FBN2: variants seen among roughly 807,000 people sequenced by gnomAD.
FBN2 encodes the protein fibrillin-2.
Under a neutral mutation model 355.6 loss-of-function variants are expected in FBN2, and 105 were observed. The ratio of observed to expected loss-of-function variants is 0.30; its 90% CI spans 0.25 to 0.35. The LOEUF (loss-of-function observed/expected upper bound fraction) is 0.35. Ranked by LOEUF, FBN2 falls within the 10% of genes least tolerant of loss-of-function variation. FBN2 has a pLI of 1.00. For synonymous variants in FBN2, 1,350 were observed against 1,301.2 expected (o/e 1.04, Z -0.81); for missense variants, 3,280 against 3,758.7 (o/e 0.87, Z 3.33).
chr5:128,312,504 A>G lies in FBN2; in HGVS notation c.4879+130T>C, dbSNP rs151274645. 375 of 909,844 alleles carry G rather than the reference A, an allele frequency of 4.1e-4. 4 individuals carry two copies. The African/African-American group carries it at 4.8e-3, about 12-fold the overall frequency. The allele number at this position is 909,844 out of a possible 1,614,324, so 56.4% of individuals were successfully genotyped here. On this transcript the variant is annotated intron_variant, in intron 37 of 64. Transcript: ENST00000262464. The stretch of plus-strand genomic sequence containing the variant: ...TTGGCTGGTTTCAGAGTGATCACTG[A>G]AAGTAGTTCAAATTCAGTTTTTTTG...
At chr5:128,493,841 T>C (rs770568359) in intron 5 of FBN2, among the ~76,000 whole-genome samples, 3 of 152,092 alleles carry the variant, frequency 2.0e-5, no homozygotes, top group Non-Finnish European at 4.4e-5. Flanking sequence ...TGGTGACAGA[T>C]CTGTTATGGT....
chr5:128,428,503 A>G (rs1753538308), intron 7 of FBN2, among the ~76,000 whole-genome samples: 1 of 152,042 alleles, frequency 6.6e-6, no homozygotes, highest in Non-Finnish European at 1.5e-5. Flanking sequence ...GGGGCACTGC[A>G]CTTGCTGGCC....
intron 7 of FBN2, among the ~76,000 whole-genome samples, chr5:128,410,184 G>C (rs1302712168): frequency 6.6e-6 from 1 of 152,186 alleles, no homozygotes; most frequent in African/African-American, 2.4e-5. Context: ...GACTACATGA[G>C]GAGTAAATAC....
At chr5:128,347,154 T>C (rs567136621) in intron 23 of FBN2, among the ~76,000 whole-genome samples, 1 of 152,320 alleles carries the variant, frequency 6.6e-6, no homozygotes, top group African/African-American at 2.4e-5. Context: ...GTGAGGTTAC[T>C]GAAGAAACCT....
chr5:128,437,908 T>C (rs1174157637), intron 7 of FBN2, among the ~76,000 whole-genome samples: 2 of 152,214 alleles, frequency 1.3e-5, no homozygotes, highest in Admixed American at 1.3e-4. Flanking sequence ...GATCTGTTTT[T>C]CTGTTTTGAA....
chr5:128,356,186 G>T (rs1035788833), intron 20 of FBN2, among the ~76,000 whole-genome samples: 2 of 152,042 alleles, frequency 1.3e-5, no homozygotes, highest in Non-Finnish European at 2.9e-5. Context: ...AATGCCCCAG[G>T]CAGATGGCAG....
chr5:128,305,600 T>G lies in FBN2; in HGVS notation c.5585A>C (p.Gln1862Pro). Residue 1862 changes from glutamine to proline, a missense_variant, in exon 44 of 65, where the codon CAG (glutamine) becomes CCG (proline). By Grantham distance (76) the Gln-to-Pro change is moderately conservative (BLOSUM62 -1). This residue lies in a region of FBN2 where 2,284 missense variants were observed against 2,749.5 expected (regional missense o/e 0.83). Transcript: ENST00000262464. The part of the protein sequence containing the change: ...DECSNGDNLC[Q>P]RNADCINSPG... Reference sequence around the variant, plus strand: ...ACTATTGATGCAGTCTGCATTCCGCTGGCAGAGATTATCACCATTGCTGCA... The same window carrying G: ...ACTATTGATGCAGTCTGCATTCCGCGGGCAGAGATTATCACCATTGCTGCA... 1 of 1,614,024 alleles carries G rather than the reference T, an allele frequency of 6.2e-7. No individual in the cohort carries two copies. Among genetic ancestry groups the G allele is most frequent in the Non-Finnish European group, 8.5e-7 (1 of 1,179,926 alleles).
At chr5:128,536,342 G>T in intron 2 of FBN2, 60 bp downstream of exon 2, 1 of 1,336,622 alleles carries the variant, frequency 7.5e-7, no homozygotes, top group Non-Finnish European at 1.1e-6. Context: ...AGTGCAAGAG[G>T]TCGGCCGGAG....
At chr5:128,374,522 A>G (rs1341924457) in intron 15 of FBN2, 106 bp downstream of exon 15, 1 of 1,453,558 alleles carries the variant, frequency 6.9e-7, no homozygotes, top group African/African-American at 1.4e-5. Flanking sequence ...ATGTTTTAGC[A>G]TGTACTCTTC....
At position 128,384,932 on chromosome 5, in the gene FBN2, T is replaced by C. The variant is rs1408737440; in HGVS notation, c.1604-6042A>G. Among the ~76,000 whole-genome samples, 11 of 152,216 alleles carry C rather than the reference T, an allele frequency of 7.2e-5. No homozygotes were observed. In the East Asian group the frequency reaches 2.1e-3, roughly 29 times the overall value. ...AAGCACAAATAGGGAGCCTAGACAGTACAAACAACTTTAATTCTCAAAATT... is the reference window on the plus strand; with the variant it reads ...AAGCACAAATAGGGAGCCTAGACAGCACAAACAACTTTAATTCTCAAAATT... On this transcript the variant is annotated intron_variant, in intron 11 of 64. Transcript: ENST00000262464.
intron 7 of FBN2, among the ~76,000 whole-genome samples, chr5:128,429,566 T>C (rs945636038): frequency 5.3e-5 from 8 of 152,172 alleles, no homozygotes; most frequent in African/African-American, 1.9e-4. Flanking sequence ...AAAGGATCTA[T>C]ACACAACGTA....
chr5:128,320,864 G>T (rs1167054111), intron 34 of FBN2, among the ~76,000 whole-genome samples: 1 of 152,118 alleles, frequency 6.6e-6, no homozygotes, highest in Non-Finnish European at 1.5e-5. Flanking sequence ...TGCTAAAGTT[G>T]AAATGTAATT....
intron 33 of FBN2, among the ~76,000 whole-genome samples, chr5:128,329,110 CTT>C (rs1176030539): frequency 2.6e-5 from 4 of 152,110 alleles, no homozygotes; most frequent in African/African-American, 9.7e-5. Context: ...TCACATTTGT[CTT>C]GTTTCTCTTG....
chr5:128,510,654 T>C (rs867819075), intron 5 of FBN2, among the ~76,000 whole-genome samples: 1 of 152,320 alleles, frequency 6.6e-6, no homozygotes, highest in Middle Eastern at 3.4e-3. Flanking sequence ...CATAAAGAAA[T>C]TCTGAGCCTA....
At chr5:128,382,505 G>A (rs1415562284) in intron 11 of FBN2, among the ~76,000 whole-genome samples, 2 of 152,060 alleles carry the variant, frequency 1.3e-5, no homozygotes, top group Non-Finnish European at 2.9e-5. Context: ...CCACCTGTGT[G>A]TTGTTGACTC....
intron 23 of FBN2, 128 bp from the exon 24 acceptor site, chr5:128,345,712 G>C (rs896397215): frequency 1.3e-6 from 1 of 779,872 alleles, no homozygotes; most frequent in African/African-American, 1.7e-5. Context: ...GCAAGATGCA[G>C]TCCCTGACCT....
At chr5:128,285,578 C>T (rs1288327008) in intron 55 of FBN2, among the ~76,000 whole-genome samples, 4 of 152,150 alleles carry the variant, frequency 2.6e-5, no homozygotes, top group South Asian at 4.1e-4. Context: ...AGAGCTAGAG[C>T]AGATGCACCC....
At chr5:128,387,541 C>T (rs1191153158) in intron 11 of FBN2, among the ~76,000 whole-genome samples, 2 of 151,892 alleles carry the variant, frequency 1.3e-5, no homozygotes, top group Non-Finnish European at 2.9e-5. Context: ...TTTAGTTCCT[C>T]CAGGTGTGAT....
chr5:128,334,476 C>T (rs777578524), intron 31 of FBN2, among the ~76,000 whole-genome samples: 22 of 152,070 alleles, frequency 1.4e-4, no homozygotes, highest in Non-Finnish European at 1.5e-5. Flanking sequence ...CCAGACTGTA[C>T]TCCTACTCAC....
Sources: allele counts gnomAD v4.1 joint callset (sites outside exome capture counted in the v4.1 genomes callset), GRCh38; gene constraint gnomAD v4.1.1; regional missense constraint gnomAD v4.1.1; transcripts MANE v1.5; gene names NCBI Gene and HGNC (gene_info 2026-07-23, HGNC 2026-07-21).